RHBDD1: variants seen among roughly 807,000 people sequenced by gnomAD.
RHBDD1 encodes the protein rhomboid domain containing 1.
In RHBDD1, 38 loss-of-function variants were observed where a neutral mutation model predicts 36.3. The observed-to-expected ratio is 1.05, with a 90% CI of 0.81 to 1.37. The LOEUF is 1.37. Among genes scored for constraint, RHBDD1 ranks in the 40% most tolerant of loss-of-function variants. The pLI, the probability that RHBDD1 is intolerant of heterozygous loss-of-function variation, is 0.00. For missense variants in RHBDD1, 393 were observed against 377.6 expected, an observed-to-expected ratio of 1.04 and a Z score of -0.34; for synonymous variants, 151 against 136.5, an observed-to-expected ratio of 1.11 and a Z score of -0.74.
chr2:226,845,039 A>T (rs1238275276), intron 3 of RHBDD1, among the ~76,000 whole-genome samples: 2 of 152,142 alleles, frequency 1.3e-5, no homozygotes, highest in South Asian at 4.1e-4. Flanking sequence ...TCTTCCTAAA[A>T]TGGAGGCTTA....
At chr2:226,975,515 CA>C (rs1954415311) in intron 8 of RHBDD1, among the ~76,000 whole-genome samples, 1 of 152,132 alleles carries the variant, frequency 6.6e-6, no homozygotes, top group African/African-American at 2.4e-5. Context: ...TCGGGCCACC[CA>C]GAAGCCAGGC....
chr2:226,976,693 G>A (rs1954643535), intron 8 of RHBDD1, among the ~76,000 whole-genome samples: 1 of 152,142 alleles, frequency 6.6e-6, no homozygotes, highest in Non-Finnish European at 1.5e-5. Flanking sequence ...AGAAGGGAGG[G>A]TTAGGAGTAC....
chr2:226,976,700 G>A (rs1954645656), intron 8 of RHBDD1, among the ~76,000 whole-genome samples: 1 of 152,146 alleles, frequency 6.6e-6, no homozygotes, highest in Non-Finnish European at 1.5e-5. Context: ...AGGGTTAGGA[G>A]TACCTTAACG....
intron 2 of RHBDD1, among the ~76,000 whole-genome samples, chr2:226,839,042 A>G (rs977180985): frequency 1.3e-5 from 2 of 152,224 alleles, no homozygotes; most frequent in East Asian, 3.8e-4. Context: ...TGAAATTGCT[A>G]ATATTTTTTT....
the RHBDD1 span, among the ~76,000 whole-genome samples, chr2:226,829,696 T>C: frequency 1.3e-5 from 2 of 152,194 alleles, no homozygotes; most frequent in Non-Finnish European, 2.9e-5. Context: ...AAAAATTTTG[T>C]ATCCTGAGAC....
At chr2:226,898,394 T>C (rs1947308860) in intron 5 of RHBDD1, among the ~76,000 whole-genome samples, 1 of 152,342 alleles carries the variant, frequency 6.6e-6, no homozygotes, top group Non-Finnish European at 1.5e-5. Context: ...CAAGTAAATG[T>C]CAGTGGTCAG....
intron 5 of RHBDD1, among the ~76,000 whole-genome samples, chr2:226,870,212 A>G (rs1944676708): frequency 6.6e-6 from 1 of 152,172 alleles, no homozygotes; most frequent in South Asian, 2.1e-4. Flanking sequence ...CACCTGTGTA[A>G]TGGGCTATTA....
At chr2:226,925,390 T>C (rs2125803457) in intron 8 of RHBDD1, among the ~76,000 whole-genome samples, 1 of 152,336 alleles carries the variant, frequency 6.6e-6, no homozygotes, top group East Asian at 1.9e-4. Context: ...AATGGAAATA[T>C]TAGGCATCTA....
the RHBDD1 span, among the ~76,000 whole-genome samples, chr2:226,814,896 C>A: frequency 6.6e-6 from 1 of 152,166 alleles, no homozygotes; most frequent in South Asian, 2.1e-4. Context: ...GTGGCCAAGA[C>A]AGGTGCTGCA....
At chr2:226,807,962 C>T in the RHBDD1 span, among the ~76,000 whole-genome samples, 2 of 151,914 alleles carry the variant, frequency 1.3e-5, no homozygotes, top group Non-Finnish European at 2.9e-5. Flanking sequence ...TTGCAGTGAG[C>T]CGACGTCACG....
At chr2:226,858,557 T>C (rs1329686285) in intron 3 of RHBDD1, among the ~76,000 whole-genome samples, 2 of 152,192 alleles carry the variant, frequency 1.3e-5, no homozygotes, top group Admixed American at 6.5e-5. Flanking sequence ...AACATTTAAA[T>C]CTGGAAATTG....
intron 8 of RHBDD1, among the ~76,000 whole-genome samples, chr2:226,928,723 T>TCATTTC: frequency 6.6e-6 from 1 of 152,074 alleles, no homozygotes; most frequent in Non-Finnish European, 1.5e-5. Context: ...AAGTTGGCTC[T>TCATTTC]TTGAAAAGAT....
At chr2:226,982,396 T>C (rs977796297) in intron 8 of RHBDD1, among the ~76,000 whole-genome samples, 2 of 152,234 alleles carry the variant, frequency 1.3e-5, no homozygotes, top group East Asian at 1.9e-4. Flanking sequence ...TAATTATGCA[T>C]TGATATTGGT....
the RHBDD1 span, among the ~76,000 whole-genome samples, chr2:226,829,712 TAA>T: frequency 6.6e-6 from 1 of 152,204 alleles, no homozygotes; most frequent in African/African-American, 2.4e-5. Context: ...GAGACTGTGC[TAA>T]ACTTATTAAT....
intron 8 of RHBDD1, among the ~76,000 whole-genome samples, chr2:226,947,769 C>T (rs1951089860): frequency 6.6e-6 from 1 of 152,140 alleles, no homozygotes; most frequent in Admixed American, 6.5e-5. Flanking sequence ...CATGAACAGA[C>T]ACTTCTCAAA....
At chr2:226,876,684 G>C (rs1945268675) in intron 5 of RHBDD1, among the ~76,000 whole-genome samples, 2 of 151,978 alleles carry the variant, frequency 1.3e-5, no homozygotes, top group Admixed American at 6.6e-5. Flanking sequence ...AACCCATTTA[G>C]ACTCTTGAAA....
Position 226,864,779 on chromosome 2 carries a change from C to G in RHBDD1, c.86C>G (p.Pro29Arg), listed in dbSNP as rs143797293. The G allele has an allele frequency of 1.4e-4, 232 of 1,614,134 alleles. 1 individual carries two copies. The East Asian group carries it at 5.1e-3, about 35-fold the overall frequency. ...CATGTTGGGATCAACAATATTCCAC[C>G]TGTCACCCTAGCAACTTTGGCCCTC... ...IFHVGINNIP[P>R]VTLATLALNI... Residue 29 changes from proline to arginine, a missense_variant, in exon 4 of 9, where the codon CCT becomes CGT. By Grantham distance (103) the Pro-to-Arg change is moderately radical. Transcript: ENST00000392062.
chr2:226,971,671 A>T (rs1008478925), intron 8 of RHBDD1, among the ~76,000 whole-genome samples: 2 of 152,198 alleles, frequency 1.3e-5, no homozygotes, highest in Non-Finnish European at 2.9e-5. Context: ...ATATTCAGAC[A>T]AGTTTCTTGA....
rs1454329219 is a variant in RHBDD1 at position 226,936,256 on chromosome 2, G to A, written c.856+21905G>A. ...TATCTAGATGTGAAATTTTACAACA[G>A]ATTGTGCTTATATCTAGATTGTGGT... On this transcript the variant is annotated intron_variant, in intron 8 of 8. Coordinates refer to ENST00000392062, the MANE Select transcript of RHBDD1 (RefSeq NM_001167608.3). 2.6e-5 allele frequency among the ~76,000 whole-genome samples: 4 copies of A among 152,212 alleles called. 1 individual carries two copies. The highest frequency in any genetic ancestry group is 2.0e-4 in the Admixed American group (3 of 15,262).
Sources: gnomAD v4.1 joint callset for allele counts (sites outside exome capture counted in the v4.1 genomes callset) on GRCh38, gnomAD v4.1.1 for gene constraint, MANE v1.5 for transcripts, NCBI Gene and HGNC (gene_info 2026-07-23, HGNC 2026-07-21) for gene names.